Variants in USP40 observed in about 807,000 individuals in gnomAD.
USP40 encodes the protein ubiquitin specific peptidase 40.
Under a neutral mutation model 166.2 loss-of-function variants are expected in USP40, and 143 were observed. The observed-to-expected ratio is 0.86, with a 90% CI of 0.75 to 0.99. The LOEUF is 0.99. Among genes scored for constraint, USP40 ranks in the 50% least tolerant of loss-of-function variants. The pLI is 0.00. For missense variants in USP40, 1,444 were observed against 1,479.7 expected, an observed-to-expected ratio of 0.98 and a Z score of 0.40; for synonymous variants, 498 against 524.0, an observed-to-expected ratio of 0.95 and a Z score of 0.68.
intron 11 of USP40, among the ~76,000 whole-genome samples, chr2:233,529,750 C>T (rs1355277698): frequency 6.7e-6 from 1 of 149,594 alleles, no homozygotes; most frequent in Non-Finnish European, 1.5e-5. Context: ...TTTTTCAACT[C>T]TTTTAAGTAT....
At chr2:233,492,039 T>A (rs545114706) in intron 25 of USP40, among the ~76,000 whole-genome samples, 1 of 152,332 alleles carries the variant, frequency 6.6e-6, no homozygotes, top group African/African-American at 2.4e-5. Flanking sequence ...GAAAGATAAT[T>A]TTAGGAAATT....
At position 233,549,147 on chromosome 2, in the gene USP40, T is replaced by A. The variant is rs769643718; in HGVS notation, c.920A>T (p.His307Leu). Reference sequence around the variant, plus strand: ...ATGATCAACATCTTTAATATATACATGGTAATGGCCTCCGTAGCAGCCACC... The same window carrying A: ...ATGATCAACATCTTTAATATATACAAGGTAATGGCCTCCGTAGCAGCCACC... ...HKGGCYGGHYHVYIKDVDHLG... is the reference protein window; with the variant it reads ...HKGGCYGGHYLVYIKDVDHLG... Residue 307 changes from histidine to leucine, a missense_variant, in exon 8 of 32, where the codon CAT becomes CTT. Transcript: ENST00000678225. 6.2e-7 allele frequency: 1 copy of A among 1,602,194 alleles called. No homozygotes were observed. Among genetic ancestry groups the A allele is most frequent in the African/African-American group, 1.3e-5 (1 of 74,652 alleles).
intron 1 of USP40, among the ~76,000 whole-genome samples, 195 bp downstream of exon 1, chr2:233,566,489 G>A (rs2072170697): frequency 6.6e-6 from 1 of 152,196 alleles, no homozygotes; most frequent in Non-Finnish European, 1.5e-5. Context: ...GGCCCTCCAA[G>A]CCACCACAGG....
chr2:233,510,940 C>A (rs537444487), intron 20 of USP40, among the ~76,000 whole-genome samples: 1 of 152,290 alleles, frequency 6.6e-6, no homozygotes, highest in Non-Finnish European at 1.5e-5. Flanking sequence ...AACTCAACCT[C>A]ACTTGTCATG....
At chr2:233,520,952 G>C (rs774767593) in intron 17 of USP40, 39 bp downstream of exon 17, 1 of 1,584,186 alleles carries the variant, frequency 6.3e-7, no homozygotes, top group South Asian at 1.1e-5. Flanking sequence ...TCTGTTAACT[G>C]AAAATCTATC....
In USP40 at chr2:233,533,526, G is replaced by T. The variant is rs750792832; in HGVS notation, c.1424C>A (p.Ala475Asp). ...GGATTTCCGATAAAACAACATGTAG[G>T]CACTTTCTTTACCCTGAAATTGCTG... is the stretch of plus-strand genomic sequence containing the variant. ...IEQQFQGKES[A>D]YMLFYRKSQL... The change falls in exon 11 of 32, where the codon GCC becomes GAC. Residue 475 changes from alanine (A) to aspartate (D), a missense_variant. Transcript: ENST00000678225. 6.2e-6 allele frequency: 10 copies of T among 1,613,758 alleles called. No individual in the cohort carries two copies. In the Admixed American group the frequency reaches 1.3e-4, roughly 22 times the overall value.
chr2:233,501,674 A>C (rs529898749), intron 21 of USP40, among the ~76,000 whole-genome samples: 1 of 152,368 alleles, frequency 6.6e-6, no homozygotes, highest in Admixed American at 6.5e-5. Context: ...TGAAGTAAGA[A>C]AGAGAAGAAT....
At position 233,538,181 on chromosome 2, in the gene USP40, A is replaced by G. The variant is rs138177304; in HGVS notation, c.1170+2481T>C. Among the ~76,000 whole-genome samples the G allele has an allele frequency of 5.7e-3, 872 of 152,272 alleles. 9 individuals carry two copies. The highest frequency in any genetic ancestry group is 0.02 in the African/African-American group (815 of 41,568). ...ACAAAAGAGCTAAAAATGGGACACT[A>G]AAAATTTATTAATCCAAAAGAAGGC... On this transcript the variant is annotated intron_variant, in intron 10 of 31. Coordinates refer to ENST00000678225, the MANE Select transcript of USP40 (RefSeq NM_001365479.2).
intron 20 of USP40, among the ~76,000 whole-genome samples, chr2:233,510,392 C>CTTTTTTTTTTTTTTTTTTTTTTTTT (rs1158427662): frequency 1.5e-5 from 1 of 68,690 alleles, no homozygotes; most frequent in Non-Finnish European, 2.6e-5. Context: ...CTTTTTCTTT[C>CTTTTTTTTTTTTTTTTTTTTTTTTT]TTTTTTTTTT....
In USP40 at chr2:233,482,757, C is replaced by T. The variant is rs2125032500; in HGVS notation, c.3505-1460G>A. 1.3e-5 allele frequency among the ~76,000 whole-genome samples: 2 copies of T among 152,254 alleles called. 1 individual carries two copies. Among genetic ancestry groups the T allele is most frequent in the South Asian group, 4.1e-4 (2 of 4,830 alleles). ...CCATGTTGCCCTGGCTGGTCTCAAA[C>T]TCCCGAGTGCAAGTGATCTGCCTGC... is the stretch of plus-strand genomic sequence containing the variant. On this transcript the variant is annotated intron_variant, in intron 30 of 31. Coordinates refer to ENST00000678225, the MANE Select transcript of USP40 (RefSeq NM_001365479.2).
intron 8 of USP40, chr2:233,542,676 TC>T: frequency 5.2e-6 from 1 of 191,240 alleles, no homozygotes; most frequent in Non-Finnish European, 1.0e-5. Flanking sequence ...CAAGACGTTG[TC>T]AAAAAAAAAA....
chr2:233,498,687 G>T, intron 22 of USP40, 75 bp from the exon 23 acceptor site: 1 of 1,256,982 alleles, frequency 8.0e-7, no homozygotes, highest in Non-Finnish European at 1.1e-6. Flanking sequence ...CTAGAAGAAT[G>T]TCTTGCACCC....
At position 233,491,268 on chromosome 2, in the gene USP40, A is replaced by C. The variant is rs1175366942; in HGVS notation, c.2918-7T>G. 6.2e-7 allele frequency: 1 copy of C among 1,602,486 alleles called. No individual in the cohort carries two copies. The highest frequency in any genetic ancestry group is 2.2e-5 in the East Asian group (1 of 44,774). ...GGCTCGTTCCCAGAAGCACCTTCCA[A>C]AGGACAGAGCGGGATGTTTACAAGG... On this transcript the variant is annotated splice_polypyrimidine_tract_variant and splice_region_variant and intron_variant, in intron 25 of 31. Transcript: ENST00000678225.
At chr2:233,566,650 C>T (rs2072188509) in intron 1 of USP40, 34 bp downstream of exon 1, 1 of 976,900 alleles carries the variant, frequency 1.0e-6, no homozygotes, top group Non-Finnish European at 1.2e-6. Flanking sequence ...TTCCCACGTC[C>T]CTCCCAGGAT....
rs1382289627 is a variant in USP40, at chr2:233,486,145, T to C, written c.3198-168A>G. On this transcript the variant is annotated intron_variant, in intron 28 of 31. Transcript: ENST00000678225. This position sits in a 1 kb window ranked among gnomAD's most constrained non-coding sequence, Gnocchi z 4.0. ...GGCAAACTCTTATTCCGCATTTCAA[T>C]TTCCTTTAATCTTGGAATGAAGAGC... is the stretch of plus-strand genomic sequence containing the variant. Among the ~76,000 whole-genome samples the C allele has an allele frequency of 6.6e-6, 1 of 152,228 alleles. No individual in the cohort carries two copies. Among genetic ancestry groups the C allele is most frequent in the Non-Finnish European group, 1.5e-5 (1 of 68,044 alleles).
At chr2:233,502,721 C>T (rs1389812833) in intron 21 of USP40, among the ~76,000 whole-genome samples, 1 of 152,030 alleles carries the variant, frequency 6.6e-6, no homozygotes, top group African/African-American at 2.4e-5. Context: ...CTGTCACAAA[C>T]ACCCGTAACC....
Position 233,556,865 on chromosome 2 carries a change from C to T in USP40, c.536G>A (p.Ser179Asn). ...QIVCKECKNV[S>N]ERQEDFLDLT... ...CTCTGGCATATTTACCTGCCTCTCG[C>T]TAACGTTCTTACATTCTTTACAAAC... The change falls in exon 5 of 32, where the codon AGC becomes AAC. Residue 179 changes from serine (S) to asparagine (N), a missense_variant. Ser to Asn is a conservative substitution (Grantham distance 46). Coordinates refer to ENST00000678225, the MANE Select transcript of USP40 (RefSeq NM_001365479.2). 1 of 1,608,646 alleles carries T rather than the reference C, an allele frequency of 6.2e-7. No homozygotes were observed. Among genetic ancestry groups the T allele is most frequent in the Non-Finnish European group, 8.5e-7 (1 of 1,178,528 alleles).
chr2:233,518,925 T>G (rs749596753), intron 18 of USP40, among the ~76,000 whole-genome samples: 1 of 152,276 alleles, frequency 6.6e-6, no homozygotes, highest in African/African-American at 2.4e-5. Context: ...ACTAGACTAG[T>G]CAGCAATGCA....
chr2:233,494,772 C>T (rs1280094932), intron 24 of USP40, among the ~76,000 whole-genome samples: 4 of 140,496 alleles, frequency 2.8e-5, no homozygotes, highest in African/African-American at 1.1e-4. Context: ...TTGCAGTGAG[C>T]TATGATCATG....
Sources: allele counts gnomAD v4.1 joint callset (sites outside exome capture counted in the v4.1 genomes callset), GRCh38; gene constraint gnomAD v4.1.1; non-coding constraint Gnocchi (gnomAD v3.1); transcripts MANE v1.5; gene names NCBI Gene and HGNC (gene_info 2026-07-23, HGNC 2026-07-21).